The following DEUP1 variants were observed in gnomAD, a reference collection of about 807,000 sequenced individuals.
DEUP1 encodes the protein coiled-coil domain containing 67.
Under a neutral mutation model 87.4 loss-of-function variants are expected in DEUP1, and 82 were observed. That is an observed-to-expected ratio of 0.94 (90% confidence interval 0.78 to 1.13). The LOEUF (loss-of-function observed/expected upper bound fraction) is 1.13. DEUP1 is among the 50% of genes most tolerant of loss of function. DEUP1 has a pLI of 0.00. For missense variants in DEUP1, 663 were observed against 681.5 expected, an observed-to-expected ratio of 0.97 and a Z score of 0.30; for synonymous variants, 214 against 222.7, an observed-to-expected ratio of 0.96 and a Z score of 0.35.
At chr11:93,407,148 G>C (rs991526828) in intron 11 of DEUP1, among the ~76,000 whole-genome samples, 1 of 151,670 alleles carries the variant, frequency 6.6e-6, no homozygotes, top group Non-Finnish European at 1.5e-5. Flanking sequence ...TTGGACTCTA[G>C]CTAAAGAAAT....
chr11:93,389,179 C>T, intron 9 of DEUP1, 54 bp downstream of exon 9: 1 of 970,198 alleles, frequency 1.0e-6, no homozygotes, highest in South Asian at 1.6e-5. Context: ...TCTTTACATA[C>T]AAAGGGAGTT....
At chr11:93,392,195 C>G (rs899102843) in intron 9 of DEUP1, among the ~76,000 whole-genome samples, 8 of 152,136 alleles carry the variant, frequency 5.3e-5, no homozygotes, top group Non-Finnish European at 1.0e-4. Flanking sequence ...TAGGTGTCAT[C>G]CCCTAAAACC....
chr11:93,338,644 A>G (rs969166898), intron 2 of DEUP1, among the ~76,000 whole-genome samples: 17 of 151,996 alleles, frequency 1.1e-4, no homozygotes, highest in African/African-American at 2.7e-4. Flanking sequence ...GACTCAAGCA[A>G]TCCTCCCACT....
At chr11:93,342,664 G>A (rs1257074795) in intron 2 of DEUP1, among the ~76,000 whole-genome samples, 1 of 152,194 alleles carries the variant, frequency 6.6e-6, no homozygotes, top group Non-Finnish European at 1.5e-5. Context: ...TCTTTAGCTG[G>A]TTGCATTTCC....
At position 93,360,358 on chromosome 11, in the gene DEUP1, CAG is replaced by C. The variant is rs368466439; in HGVS notation, c.297+3318_297+3319del. On this transcript the variant is annotated intron_variant, in intron 4 of 13. Coordinates refer to ENST00000298050, the MANE Select transcript of DEUP1 (RefSeq NM_181645.4). ...TAAAACACAATATTTGAATAAAATC[CAG>C]AGTCTCAAAACACAATACACAAAAA... is the stretch of plus-strand genomic sequence containing the variant. 4.0e-3 allele frequency among the ~76,000 whole-genome samples: 613 copies of C among 152,182 alleles called. 1 individual carries two copies. Among genetic ancestry groups the C allele is most frequent in the Non-Finnish European group, 6.3e-3 (426 of 67,992 alleles).
rs923589884 is a variant in DEUP1, at chr11:93,412,062, T to C, written c.1524-2938T>C. On this transcript the variant is annotated intron_variant, in intron 12 of 13. Coordinates refer to ENST00000298050, the MANE Select transcript of DEUP1 (RefSeq NM_181645.4). ...TGAGCAGTTCATGGAATAGGGAGTT[T>C]AGTGGAGTGTTGGAAGGTGAGGCTG... Among the ~76,000 whole-genome samples the C allele has an allele frequency of 3.3e-5, 5 of 152,178 alleles. No homozygotes were observed. The South Asian group carries it at 1.0e-3, about 31-fold the overall frequency.
intron 13 of DEUP1, among the ~76,000 whole-genome samples, chr11:93,417,957 C>T (rs1591259622): frequency 6.6e-6 from 1 of 150,656 alleles, no homozygotes; most frequent in East Asian, 2.0e-4. Flanking sequence ...ATAAATGGTG[C>T]TGGGAAAACT....
rs1272219115 is a variant in DEUP1, at chr11:93,418,068, C to A, written c.1638+2954C>A. On this transcript the variant is annotated intron_variant, in intron 13 of 13. Transcript: ENST00000298050. Reference sequence around the variant, plus strand: ...AAGACTTAAACGGTAGACCTAAAACCATAAAAACTGTAGAAGAAAACCTAG... The same window carrying A: ...AAGACTTAAACGGTAGACCTAAAACAATAAAAACTGTAGAAGAAAACCTAG... 2.0e-5 allele frequency among the ~76,000 whole-genome samples: 3 copies of A among 152,154 alleles called. No individual in the cohort carries two copies. In the East Asian group the frequency reaches 5.8e-4, roughly 29 times the overall value.
At chr11:93,350,935 A>G (rs1396506337) in intron 2 of DEUP1, among the ~76,000 whole-genome samples, 4 of 151,352 alleles carry the variant, frequency 2.6e-5, no homozygotes, top group South Asian at 2.1e-4. Context: ...GAGCCTGGGC[A>G]ACAGAGCGAG....
rs527716174 is a variant in DEUP1 at position 93,336,623 on chromosome 11, C to T, written c.29+4335C>T. ...CTTACATTGTTGACCTTAACCCCCC[C>T]AGTTTCCAGTACAGTGGTCCTGCCA... is the stretch of plus-strand genomic sequence containing the variant. On this transcript the variant is annotated intron_variant, in intron 2 of 13. Transcript: ENST00000298050. 5.3e-5 allele frequency among the ~76,000 whole-genome samples: 8 copies of T among 151,104 alleles called. No homozygotes were observed. The South Asian group carries it at 1.5e-3, about 28-fold the overall frequency.
At chr11:93,368,455 G>A (rs978278703) in intron 5 of DEUP1, among the ~76,000 whole-genome samples, 5 of 152,220 alleles carry the variant, frequency 3.3e-5, no homozygotes, top group East Asian at 1.9e-4. Flanking sequence ...TTGTACAGGA[G>A]GCATGGTTGG....
At chr11:93,418,054 G>A (rs570145621) in intron 13 of DEUP1, among the ~76,000 whole-genome samples, 6 of 152,134 alleles carry the variant, frequency 3.9e-5, no homozygotes, top group East Asian at 3.9e-4. Flanking sequence ...AGACTTAAAC[G>A]GTAGACCTAA....
At chr11:93,361,385 G>A (rs879092468) in intron 4 of DEUP1, among the ~76,000 whole-genome samples, 1 of 152,056 alleles carries the variant, frequency 6.6e-6, no homozygotes, top group South Asian at 2.1e-4. Context: ...AAATGCAATA[G>A]ACTTTCCTTA....
At chr11:93,362,529 G>T (rs981108846) in intron 4 of DEUP1, among the ~76,000 whole-genome samples, 1 of 151,848 alleles carries the variant, frequency 6.6e-6, no homozygotes, top group African/African-American at 2.4e-5. Context: ...CACTAGGATG[G>T]TTATAATAAA....
chr11:93,362,149 G>A (rs1488703592), intron 4 of DEUP1, among the ~76,000 whole-genome samples: 1 of 151,872 alleles, frequency 6.6e-6, no homozygotes, highest in East Asian at 1.9e-4. Context: ...TCATGACCTT[G>A]GATTAGGCAA....
intron 13 of DEUP1, among the ~76,000 whole-genome samples, chr11:93,427,993 T>C (rs1343880882): frequency 1.3e-5 from 2 of 151,368 alleles, no homozygotes; most frequent in Non-Finnish European, 1.5e-5. Context: ...GGAGAGGATG[T>C]GGAGAAATAG....
chr11:93,342,599 G>T (rs914028718), intron 2 of DEUP1, among the ~76,000 whole-genome samples: 1 of 152,190 alleles, frequency 6.6e-6, no homozygotes, highest in Non-Finnish European at 1.5e-5. Flanking sequence ...TCATAGGACA[G>T]ATTTTGTTAC....
At chr11:93,435,046 T>A (rs1489464386) in intron 13 of DEUP1, among the ~76,000 whole-genome samples, 1 of 152,214 alleles carries the variant, frequency 6.6e-6, no homozygotes, top group Non-Finnish European at 1.5e-5. Flanking sequence ...ATAAAGTAGG[T>A]ACCTTTACTA....
At chr11:93,379,443 C>G (rs973487178) in intron 7 of DEUP1, among the ~76,000 whole-genome samples, 1 of 152,150 alleles carries the variant, frequency 6.6e-6, no homozygotes, top group Admixed American at 6.5e-5. Flanking sequence ...CATTGAGGAA[C>G]ATTATTATAA....
Sources: gnomAD v4.1 joint callset for allele counts (sites outside exome capture counted in the v4.1 genomes callset) on GRCh38, gnomAD v4.1.1 for gene constraint, MANE v1.5 for transcripts, NCBI Gene and HGNC (gene_info 2026-07-23, HGNC 2026-07-21) for gene names.